The following ELFN1 variants were observed in gnomAD, a reference collection of about 807,000 sequenced individuals.
ELFN1 encodes protein ELFN1.
In ELFN1, 6 loss-of-function variants were observed where a neutral mutation model predicts 7.6. The ratio of observed to expected loss-of-function variants is 0.79; its 90% CI spans 0.43 to 1.56. ELFN1 has a LOEUF of 1.56. Among genes scored for constraint, ELFN1 ranks in the 40% most tolerant of loss-of-function variants. The pLI, the probability that ELFN1 is intolerant of heterozygous loss-of-function variation, is 0.01. For missense variants in ELFN1, 1,169 were observed against 1,232.2 expected (o/e 0.95, Z 0.77); for synonymous variants, 657 against 588.1 (o/e 1.12, Z -1.70).
At chr7:1,724,992 G>A (rs982170082) in intron 3 of ELFN1, among the ~76,000 whole-genome samples, 3 of 152,228 alleles carry the variant, frequency 2.0e-5, no homozygotes, top group Admixed American at 6.5e-5. Context: ...TGGCCCTGGC[G>A]AGGCCCCTGT....
chr7:1,726,271 G>A (rs959785650), intron 3 of ELFN1, among the ~76,000 whole-genome samples: 1 of 152,206 alleles, frequency 6.6e-6, no homozygotes, highest in Non-Finnish European at 1.5e-5. Context: ...GTCTCTGGGT[G>A]GTGCTCCCAC....
At chr7:1,689,039 A>G (rs1348347247) in intron 2 of ELFN1, among the ~76,000 whole-genome samples, 2 of 152,254 alleles carry the variant, frequency 1.3e-5, no homozygotes, top group Non-Finnish European at 2.9e-5. Flanking sequence ...AAAATTATAA[A>G]TCAAAGCATC....
intron 2 of ELFN1, chr7:1,694,148 A>T (rs912284853): frequency 2.5e-5 from 6 of 241,432 alleles, no homozygotes; most frequent in African/African-American, 1.3e-4. Context: ...GCCCCGGCAG[A>T]CCCAGGCCCC....
chr7:1,709,500 G>A (rs1779605635), intron 3 of ELFN1, among the ~76,000 whole-genome samples: 1 of 152,236 alleles, frequency 6.6e-6, no homozygotes, highest in African/African-American at 2.4e-5. Context: ...GGCTGCCGGG[G>A]GACCCGGAAA....
Position 1,705,356 on chromosome 7 carries a change from A to G in ELFN1, c.-455-3735A>G, listed in dbSNP as rs1779509536. Among the ~76,000 whole-genome samples, 1 of 152,208 alleles carries G rather than the reference A, an allele frequency of 6.6e-6. No individual in the cohort carries two copies. The highest frequency in any genetic ancestry group is 2.4e-5 in the African/African-American group (1 of 41,446). ...GCTGATATAAGTGTTTGAAATGCAA[A>G]TGTCAAGTTTGGGCGCCTTCATTTT... On this transcript the variant is annotated intron_variant, in intron 2 of 3. Coordinates refer to ENST00000424383, the MANE Select transcript of ELFN1 (RefSeq NM_001128636.4). The surrounding 1 kb of genome is among the most constrained non-coding windows in gnomAD (Gnocchi z 4.3).
intron 3 of ELFN1, among the ~76,000 whole-genome samples, chr7:1,733,520 A>C (rs1222645730): frequency 6.6e-6 from 1 of 151,978 alleles, no homozygotes. Context: ...CAGACAGGAG[A>C]TAGCACCCCT....
chr7:1,744,249 TGACCGCTGTCTTCTCTCTTGTCC>T (rs1562389938), intron 3 of ELFN1, 32 bp from the exon 4 acceptor site: 4 of 118,642 alleles, frequency 3.4e-5, no homozygotes, highest in Non-Finnish European at 6.1e-5. Context: ...GGCCGTCCCC[TGACCGCTGTCTTCTCTCTTGTCC>T]CCTGACCGCT....
chr7:1,707,879 C>G (rs1280993435), intron 2 of ELFN1, among the ~76,000 whole-genome samples: 1 of 152,202 alleles, frequency 6.6e-6, no homozygotes. Context: ...CTAGCACTTA[C>G]TCTGTCCCTG....
chr7:1,700,280 A>G (rs74665615), intron 2 of ELFN1, among the ~76,000 whole-genome samples: 15,552 of 152,226 alleles, frequency 0.1, 831 homozygotes, highest in Middle Eastern at 0.15. Flanking sequence ...GTGTGAATGC[A>G]TCTGCGTGAC....
At chr7:1,725,295 A>G (rs1780156406) in intron 3 of ELFN1, among the ~76,000 whole-genome samples, 1 of 152,176 alleles carries the variant, frequency 6.6e-6, no homozygotes, top group African/African-American at 2.4e-5. Flanking sequence ...AATCCCGCCC[A>G]CAGCTGGTGC....
At position 1,695,245 on chromosome 7, in the gene ELFN1, G is replaced by A. The variant is rs1267783449; in HGVS notation, c.-456+7095G>A. On this transcript the variant is annotated intron_variant, in intron 2 of 3. Coordinates refer to ENST00000424383, the MANE Select transcript of ELFN1 (RefSeq NM_001128636.4). The surrounding 1 kb of genome is among the most constrained non-coding windows in gnomAD (Gnocchi z 5.1). Reference sequence around the variant, plus strand: ...TGCTCCTGCCTGAGAACCCCAGGAAGTAGTAGCGTGCCAGGTGCGTGGCCG... The same window carrying A: ...TGCTCCTGCCTGAGAACCCCAGGAAATAGTAGCGTGCCAGGTGCGTGGCCG... 9.2e-5 allele frequency among the ~76,000 whole-genome samples: 14 copies of A among 152,352 alleles called. No homozygotes were observed. Among genetic ancestry groups the A allele is most frequent in the Admixed American group, 8.5e-4 (13 of 15,312 alleles).
At chr7:1,690,275 G>GTAGGTGGA (rs973021581) in intron 2 of ELFN1, among the ~76,000 whole-genome samples, 1 of 151,352 alleles carries the variant, frequency 6.6e-6, no homozygotes, top group Non-Finnish European at 1.5e-5. Context: ...GGGTGAGTGG[G>GTAGGTGGA]TAGGTGGATA....
intron 3 of ELFN1, among the ~76,000 whole-genome samples, chr7:1,743,703 C>T (rs959585429): frequency 1.3e-5 from 2 of 152,206 alleles, no homozygotes; most frequent in Admixed American, 6.5e-5. Flanking sequence ...CGGAAGGATT[C>T]TGTGTTGAGG....
In ELFN1 at chr7:1,745,816, G is replaced by C. The variant is rs781041429; in HGVS notation, c.1220G>C (p.Gly407Ala). The change falls in exon 4 of 4, where the codon GGT (glycine) becomes GCT (alanine). Residue 407 changes from glycine to alanine, a missense_variant. By Grantham distance (60) the Gly-to-Ala change is moderately conservative (BLOSUM62 0). Coordinates refer to ENST00000424383, the MANE Select transcript of ELFN1 (RefSeq NM_001128636.4). ...ICLPRLPSPP[G>A]PVPSPSTATH... is the part of the protein sequence containing the mutation. ...TTGCCCCGGCTGCCCAGCCCGCCTG[G>C]TCCGGTGCCCAGCCCCTCCACGGCC... is the stretch of plus-strand genomic sequence containing the variant. The C allele has an allele frequency of 6.4e-7, 1 of 1,568,040 alleles. No homozygotes were observed.
chr7:1,744,583 G>A lies in ELFN1; in HGVS notation c.-14G>A. 1 of 1,493,636 alleles carries A rather than the reference G, an allele frequency of 6.7e-7. No individual in the cohort carries two copies. The highest frequency in any genetic ancestry group is 1.4e-5 in the South Asian group (1 of 73,448). 92.5% of individuals were successfully genotyped at this position (1,493,636 alleles called of 1,614,324 possible). On this transcript the variant is annotated 5_prime_UTR_variant, in exon 4 of 4. Coordinates refer to ENST00000424383, the MANE Select transcript of ELFN1 (RefSeq NM_001128636.4). ...TGGGCAGGCTGAATTGGGGCTCCCT[G>A]CAGGGCGGTCCCGATGGCCGGGCGT...
chr7:1,694,822 C>T (rs973604047), intron 2 of ELFN1, among the ~76,000 whole-genome samples: 4 of 152,356 alleles, frequency 2.6e-5, no homozygotes, highest in African/African-American at 9.6e-5. Context: ...GCATTCGAGA[C>T]CACCTGTCAG....
At chr7:1,694,567 C>T (rs1410932726) in intron 2 of ELFN1, among the ~76,000 whole-genome samples, 1 of 152,164 alleles carries the variant, frequency 6.6e-6, no homozygotes, top group Admixed American at 6.5e-5. Context: ...AGCTTATGCC[C>T]CTAGAAGCAG....
At chr7:1,728,003 C>A (rs1780242467) in intron 3 of ELFN1, among the ~76,000 whole-genome samples, 1 of 152,114 alleles carries the variant, frequency 6.6e-6, no homozygotes, top group South Asian at 2.1e-4. Context: ...TTGAGAGAGG[C>A]CGAGAGGTCC....
At chr7:1,683,331 AG>A (rs577790584) in intron 1 of ELFN1, among the ~76,000 whole-genome samples, 23 of 152,150 alleles carry the variant, frequency 1.5e-4, no homozygotes, top group African/African-American at 5.5e-4. Context: ...GTCTTAGTTT[AG>A]TTTTTTTTGT....
Sources: gnomAD v4.1 joint callset for allele counts (sites outside exome capture counted in the v4.1 genomes callset) on GRCh38, gnomAD v4.1.1 for gene constraint, Gnocchi (gnomAD v3.1) non-coding constraint, MANE v1.5 for transcripts, NCBI Gene and HGNC (gene_info 2026-07-23, HGNC 2026-07-21) for gene names.